The following SLC25A14 variants were observed in gnomAD, a reference collection of about 807,000 sequenced individuals.
SLC25A14 encodes brain mitochondrial carrier protein 1.
Under a neutral mutation model 28.1 loss-of-function variants are expected in SLC25A14, and 8 were observed. The observed-to-expected ratio is 0.28, with a 90% CI of 0.17 to 0.51. The LOEUF (loss-of-function observed/expected upper bound fraction) is 0.51. Ranked by LOEUF, SLC25A14 falls within the 20% of genes least tolerant of loss-of-function variation. SLC25A14 has a pLI of 0.97. For synonymous variants in SLC25A14, 74 were observed against 90.6 expected (o/e 0.82, Z 1.04); for missense variants, 135 against 263.8 (o/e 0.51, Z 3.38).
chrX:130,353,106 G>A lies in SLC25A14; in HGVS notation c.498+2375G>A, dbSNP rs777769252. 1.3e-4 allele frequency among the ~76,000 whole-genome samples: 14 copies of A among 111,793 alleles called. No homozygotes were observed. The South Asian group carries it at 4.5e-3, about 36-fold the overall frequency. On this transcript the variant is annotated intron_variant, in intron 6 of 10. Transcript: ENST00000545805. The stretch of plus-strand genomic sequence containing the variant: ...TTTTTGTATATGGTGAAAGGTAGGG[G>A]CCCAGTTTTATTCTTCTGCATATAG...
chrX:130,360,910 A>G (rs192320622), intron 7 of SLC25A14, among the ~76,000 whole-genome samples: 4 of 110,926 alleles, frequency 3.6e-5, no homozygotes, highest in African/African-American at 1.3e-4. Flanking sequence ...TCAAACTGAA[A>G]CTCTATACCC....
intron 6 of SLC25A14, among the ~76,000 whole-genome samples, chrX:130,354,177 G>T (rs1242648343): frequency 4.7e-5 from 5 of 106,520 alleles, no homozygotes; most frequent in Non-Finnish European, 9.7e-5. Flanking sequence ...GCAGTGGCGC[G>T]ATCTCGGCTC....
intron 9 of SLC25A14, among the ~76,000 whole-genome samples, chrX:130,370,671 CAG>C (rs1247035471): frequency 2.7e-5 from 3 of 111,862 alleles, no homozygotes; most frequent in African/African-American, 9.7e-5. Context: ...GAAACAGACT[CAG>C]AGAAGAATAA....
At chrX:130,350,942 A>G (rs983064518) in intron 6 of SLC25A14, among the ~76,000 whole-genome samples, 19 of 111,730 alleles carry the variant, frequency 1.7e-4, no homozygotes, top group African/African-American at 5.2e-4. Flanking sequence ...TAAACTGCCT[A>G]TCATTGTACT....
intron 3 of SLC25A14, among the ~76,000 whole-genome samples, chrX:130,345,732 T>G (rs909934521): frequency 3.6e-5 from 4 of 111,961 alleles, no homozygotes; most frequent in African/African-American, 1.3e-4. Flanking sequence ...ATTTTTAGAT[T>G]GTCGTTTTTT....
chrX:130,347,674 G>A (rs933092584), intron 4 of SLC25A14, among the ~76,000 whole-genome samples: 24 of 111,419 alleles, frequency 2.2e-4, no homozygotes, highest in Admixed American at 4.7e-4. Context: ...GGAAGTAGAG[G>A]TTGATTTTTT....
chrX:130,353,758 T>C (rs1603259838), intron 6 of SLC25A14, among the ~76,000 whole-genome samples: 1 of 112,157 alleles, frequency 8.9e-6, no homozygotes, highest in East Asian at 2.8e-4. Flanking sequence ...AGAGTAATCT[T>C]TACATTCCAT....
At chrX:130,366,738 CATT>C (rs2034127595) in intron 9 of SLC25A14, among the ~76,000 whole-genome samples, 1 of 112,127 alleles carries the variant, frequency 8.9e-6, no homozygotes, top group South Asian at 3.7e-4. Flanking sequence ...ATTAGCTTTG[CATT>C]TTAAATAGAT....
At chrX:130,353,685 T>C (rs1479074193) in intron 6 of SLC25A14, among the ~76,000 whole-genome samples, 1 of 112,139 alleles carries the variant, frequency 8.9e-6, no homozygotes, top group Non-Finnish European at 1.9e-5. Context: ...AAATATTTTC[T>C]TGACCCTCTG....
intron 9 of SLC25A14, among the ~76,000 whole-genome samples, chrX:130,368,168 C>T (rs1389832666): frequency 8.9e-6 from 1 of 112,039 alleles, no homozygotes; most frequent in East Asian, 2.8e-4. Context: ...TCATGGGAGC[C>T]AAAGAAGTTA....
chrX:130,370,454 A>G (rs181782247), intron 9 of SLC25A14, among the ~76,000 whole-genome samples: 35 of 112,216 alleles, frequency 3.1e-4, no homozygotes, highest in African/African-American at 1.1e-3. Flanking sequence ...TTATATACGA[A>G]CCATTTCTGC....
intron 4 of SLC25A14, among the ~76,000 whole-genome samples, chrX:130,348,932 A>G (rs2033540180): frequency 9.2e-6 from 1 of 109,178 alleles, no homozygotes; most frequent in Non-Finnish European, 1.9e-5. Flanking sequence ...TTTGACAGAC[A>G]CTTGGTCTGA....
At position 130,358,698 on chromosome X, in the gene SLC25A14, A is replaced by G; in HGVS notation, c.557A>G (p.Asp186Gly). ...GGGAGCATGATTGGAAGCTTTATCG[A>G]TATATACCAACAAGAAGGCACCAGG... ...FQGSMIGSFI[D>G]IYQQEGTRGL... The change falls in exon 7 of 11, where the codon GAT becomes GGT. Residue 186 changes from aspartate to glycine, a missense_variant. By Grantham distance (94) the Asp-to-Gly change is moderately conservative. Coordinates refer to ENST00000545805, the MANE Select transcript of SLC25A14 (RefSeq NM_001282195.2). The G allele has an allele frequency of 8.3e-7, 1 of 1,203,585 alleles. No individual in the cohort carries two copies.
At chrX:130,365,964 G>T (rs1268280339) in intron 9 of SLC25A14, among the ~76,000 whole-genome samples, 3 of 111,605 alleles carry the variant, frequency 2.7e-5, no homozygotes, top group African/African-American at 9.8e-5. Flanking sequence ...TCCCCCATTT[G>T]CCTACTTCAT....
chrX:130,354,403 G>A (rs1212298855), intron 6 of SLC25A14, among the ~76,000 whole-genome samples: 1 of 112,100 alleles, frequency 8.9e-6, no homozygotes, highest in Non-Finnish European at 1.9e-5. Context: ...GTGAGCCACC[G>A]TGCCCGACCG....
At chrX:130,347,318 C>G (rs747605023) in intron 4 of SLC25A14, among the ~76,000 whole-genome samples, 23 of 111,646 alleles carry the variant, frequency 2.1e-4, no homozygotes, top group Admixed American at 7.6e-4. Flanking sequence ...GGGGAAAAAT[C>G]AAGTAGTGTA....
intron 9 of SLC25A14, among the ~76,000 whole-genome samples, chrX:130,371,151 A>T (rs1011045454): frequency 3.6e-5 from 4 of 111,494 alleles, no homozygotes; most frequent in South Asian, 7.4e-4. Context: ...ATGCTTTATT[A>T]TATATAAAAT....
At chrX:130,356,634 C>T (rs2033802241) in intron 6 of SLC25A14, among the ~76,000 whole-genome samples, 1 of 111,324 alleles carries the variant, frequency 9.0e-6, no homozygotes, top group African/African-American at 3.3e-5. Flanking sequence ...TTTCTGTTCA[C>T]GTTCCATTCT....
chrX:130,359,826 C>T (rs1381786428), intron 7 of SLC25A14, among the ~76,000 whole-genome samples: 4 of 110,895 alleles, frequency 3.6e-5, no homozygotes, highest in African/African-American at 1.3e-4. Context: ...TATCTGTTTA[C>T]GTGTATACAG....
Sources: gnomAD v4.1 joint callset for allele counts (sites outside exome capture counted in the v4.1 genomes callset) on GRCh38, gnomAD v4.1.1 for gene constraint, MANE v1.5 for transcripts, NCBI Gene and HGNC (gene_info 2026-07-23, HGNC 2026-07-21) for gene names.